The following NHS variants were observed in gnomAD, a reference collection of about 807,000 sequenced individuals.
NHS encodes the protein actin remodeling regulator NHS.
A neutral mutation model predicts 72.5 loss-of-function variants in NHS; 5 were observed. That is an observed-to-expected ratio of 0.07 (90% CI 0.04 to 0.14). The LOEUF (loss-of-function observed/expected upper bound fraction) is 0.14. NHS is among the 10% of genes least tolerant of loss of function. The pLI is 1.00. For synonymous variants in NHS, 464 were observed against 547.7 expected (o/e 0.85, Z 2.13); for missense variants, 1,072 against 1,355.7 (o/e 0.79, Z 3.29).
At chrX:17,425,550 A>G (rs1316099084) in intron 1 of NHS, among the ~76,000 whole-genome samples, 6 of 60,442 alleles carry the variant, frequency 9.9e-5, no homozygotes, top group African/African-American at 1.3e-4. Flanking sequence ...AAAAAAAAAA[A>G]AAAAAAAAAA....
rs765593556 is a variant in NHS, at chrX:17,390,052, T to C, written c.565+13730T>C. On this transcript the variant is annotated intron_variant, in intron 1 of 8. Coordinates refer to ENST00000676302, the MANE Select transcript of NHS (RefSeq NM_001291867.2). ...TCAGCTCATGCTGATGCTTGAAGCC[T>C]GGATGGAGGACAAAATTGCTTAGAA... Among the ~76,000 whole-genome samples the C allele has an allele frequency of 1.3e-4, 15 of 112,630 alleles. No homozygotes were observed. In the South Asian group the frequency reaches 5.5e-3, roughly 42 times the overall value.
chrX:17,487,528 A>T (rs1344978307), intron 1 of NHS, among the ~76,000 whole-genome samples: 1 of 111,721 alleles, frequency 9.0e-6, no homozygotes, highest in Non-Finnish European at 1.9e-5. Context: ...GTTTCTCATG[A>T]CATGGCATGT....
chrX:17,568,520 C>CTT (rs201549928), intron 1 of NHS, among the ~76,000 whole-genome samples: 2,496 of 97,877 alleles, frequency 0.026, 79 homozygotes, highest in Admixed American at 0.072. Context: ...CTAAGTAAAT[C>CTT]TTTTTTTTTT....
chrX:17,379,337 C>T (rs141807088), intron 1 of NHS, among the ~76,000 whole-genome samples: 1,152 of 109,754 alleles, frequency 0.01, 15 homozygotes, highest in African/African-American at 0.036. Context: ...GCTGTAGAGA[C>T]GGTGAGAAGT....
rs184947140 is a variant in NHS, at chrX:17,409,575, C to T, written c.565+33253C>T. 1.5e-3 allele frequency among the ~76,000 whole-genome samples: 166 copies of T among 111,301 alleles called. 2 individuals carry two copies. Among genetic ancestry groups the T allele is most frequent in the African/African-American group, 5.0e-3 (152 of 30,578 alleles). On this transcript the variant is annotated intron_variant, in intron 1 of 8. Transcript: ENST00000676302. ...ATAACAAATGTTTCTTTCTCCCCTA[C>T]GCTACATGTCTAAGGGGTGTCACCA... is the stretch of plus-strand genomic sequence containing the variant.
At chrX:17,416,521 A>G (rs1171240931) in intron 1 of NHS, among the ~76,000 whole-genome samples, 1 of 112,485 alleles carries the variant, frequency 8.9e-6, no homozygotes, top group East Asian at 2.8e-4. Context: ...TCCTCTGTGA[A>G]GTCTTCCCTA....
Position 17,496,695 on chromosome X carries a change from C to T in NHS, c.565+120373C>T, listed in dbSNP as rs138319769. Among the ~76,000 whole-genome samples, 509 of 111,805 alleles carry T rather than the reference C, an allele frequency of 4.6e-3. 4 individuals carry two copies. Among genetic ancestry groups the T allele is most frequent in the African/African-American group, 0.016 (478 of 30,725 alleles). Reference sequence around the variant, plus strand: ...CCACCCGTTCTTCTTCTAGATACTACTTAATCAGCTCTGATTAAAATAATA... The same window carrying T: ...CCACCCGTTCTTCTTCTAGATACTATTTAATCAGCTCTGATTAAAATAATA... On this transcript the variant is annotated intron_variant, in intron 1 of 8. Transcript: ENST00000676302.
chrX:17,378,516 C>T (rs2064358057), intron 1 of NHS, among the ~76,000 whole-genome samples: 1 of 111,940 alleles, frequency 8.9e-6, no homozygotes, highest in South Asian at 3.8e-4. Context: ...AGAAAAAACA[C>T]ACTATTATGT....
intron 3 of NHS, among the ~76,000 whole-genome samples, chrX:17,695,191 C>T (rs762541479): frequency 8.9e-6 from 1 of 111,857 alleles, no homozygotes; most frequent in Non-Finnish European, 1.9e-5. Flanking sequence ...TCTAAATATT[C>T]ATAACTTTGA....
intron 1 of NHS, among the ~76,000 whole-genome samples, chrX:17,463,577 G>A (rs1027094118): frequency 2.7e-5 from 3 of 111,415 alleles, no homozygotes; most frequent in African/African-American, 9.8e-5. Flanking sequence ...GGGTTGCTGT[G>A]GCCTCTTGTG....
At chrX:17,399,231 A>G (rs912178681) in intron 1 of NHS, among the ~76,000 whole-genome samples, 17 of 110,718 alleles carry the variant, frequency 1.5e-4, no homozygotes, top group East Asian at 2.9e-4. Context: ...CCTCCTGAGT[A>G]GCTGGGATTA....
intron 1 of NHS, among the ~76,000 whole-genome samples, chrX:17,569,540 T>G (rs1052565294): frequency 8.9e-6 from 1 of 112,139 alleles, no homozygotes; most frequent in African/African-American, 3.3e-5. Context: ...GTAAATTTGT[T>G]TAAGTTCTTT....
At chrX:17,630,314 C>G (rs1291172837) in intron 1 of NHS, among the ~76,000 whole-genome samples, 3 of 106,306 alleles carry the variant, frequency 2.8e-5, no homozygotes, top group Non-Finnish European at 5.8e-5. Context: ...TATCCAAGAC[C>G]CTTATGTAAA....
chrX:17,390,111 A>C (rs931001172), intron 1 of NHS, among the ~76,000 whole-genome samples: 1 of 112,033 alleles, frequency 8.9e-6, no homozygotes, highest in Non-Finnish European at 1.9e-5. Context: ...AAGTGCATTC[A>C]GATGTGTGAA....
chrX:17,716,748 A>G (rs2066366217), intron 3 of NHS, among the ~76,000 whole-genome samples: 1 of 111,260 alleles, frequency 9.0e-6, no homozygotes, highest in African/African-American at 3.3e-5. Context: ...AGAAAAATAG[A>G]ACAGAATTAG....
intron 1 of NHS, among the ~76,000 whole-genome samples, chrX:17,568,520 CTT>C (rs201549928): frequency 1.5e-4 from 15 of 97,874 alleles, no homozygotes; most frequent in Admixed American, 2.2e-4. Context: ...CTAAGTAAAT[CTT>C]TTTTTTTTTT....
At chrX:17,722,500 T>A (rs1210714649) in intron 5 of NHS, among the ~76,000 whole-genome samples, 1 of 111,791 alleles carries the variant, frequency 8.9e-6, no homozygotes, top group Non-Finnish European at 1.9e-5. Flanking sequence ...TTGAGATGCA[T>A]GTTGCACACA....
chrX:17,420,047 A>G (rs1041764353), intron 1 of NHS, among the ~76,000 whole-genome samples: 1 of 111,634 alleles, frequency 9.0e-6, no homozygotes, highest in Middle Eastern at 4.7e-3. Flanking sequence ...CTACCTCAGC[A>G]TGCAATCTGC....
At chrX:17,625,219 T>C (rs998444456) in intron 1 of NHS, among the ~76,000 whole-genome samples, 5 of 111,994 alleles carry the variant, frequency 4.5e-5, no homozygotes, top group Non-Finnish European at 9.4e-5. Flanking sequence ...TGTGGCTTAA[T>C]AGAAGACTGC....
Sources: allele counts gnomAD v4.1 joint callset (sites outside exome capture counted in the v4.1 genomes callset), GRCh38; gene constraint gnomAD v4.1.1; transcripts MANE v1.5; gene names NCBI Gene and HGNC (gene_info 2026-07-23, HGNC 2026-07-21).